Variants in HERC1 observed in about 807,000 individuals in gnomAD.
The protein encoded by HERC1 is HECT and RLD domain containing E3 ubiquitin protein ligase family member 1.
In HERC1, 160 loss-of-function variants were observed where a neutral mutation model predicts 554.3. That is an observed-to-expected ratio of 0.29 (90% confidence interval 0.25 to 0.33). The LOEUF is 0.33. Ranked by LOEUF, HERC1 falls within the 10% of genes least tolerant of loss-of-function variation. The pLI, the probability that HERC1 is intolerant of heterozygous loss-of-function variation, is 1.00. For synonymous variants in HERC1, 2,175 were observed against 2,131.7 expected (o/e 1.02, Z -0.56); for missense variants, 4,919 against 5,918.5 (o/e 0.83, Z 5.54).
intron 26 of HERC1, among the ~76,000 whole-genome samples, chr15:63,697,512 T>A (rs994025852): frequency 6.8e-6 from 1 of 147,756 alleles, no homozygotes; most frequent in Non-Finnish European, 1.5e-5. Flanking sequence ...TGGAGTGCAA[T>A]GGCGCGATCT....
chr15:63,729,290 C>T lies in HERC1; in HGVS notation c.3100G>A (p.Ala1034Thr). The T allele has an allele frequency of 6.2e-7, 1 of 1,611,106 alleles. No individual in the cohort carries two copies. Among genetic ancestry groups the T allele is most frequent in the East Asian group, 2.2e-5 (1 of 44,828 alleles). The change falls in exon 16 of 78, where the codon GCA (alanine) becomes ACA (threonine). Residue 1034 changes from alanine to threonine, a missense_variant. Physicochemically the swap from Ala to Thr is moderately conservative, Grantham distance 58 (BLOSUM62 0). Transcript: ENST00000443617. The part of the protein sequence containing the change: ...PHATDIYSRS[A>T]NLLKESPWNG... ...CAAGGACTTTCTTTGAGCAAATTTG[C>T]AGAACGTGAATAAATATCTGTGGCA... is the stretch of plus-strand genomic sequence containing the variant.
At chr15:63,822,267 G>C (rs967864497) in intron 1 of HERC1, among the ~76,000 whole-genome samples, 2 of 152,188 alleles carry the variant, frequency 1.3e-5, no homozygotes, top group African/African-American at 4.8e-5. Context: ...GAATTTGGCT[G>C]TTCTTTTAAT....
chr15:63,771,507 T>A (rs1375702608), intron 2 of HERC1, among the ~76,000 whole-genome samples: 1 of 151,602 alleles, frequency 6.6e-6, no homozygotes, highest in Non-Finnish European at 1.5e-5. Flanking sequence ...CTCAGCTCAC[T>A]GCAACCTCCA....
At chr15:63,657,831 T>C (rs550619712) in intron 48 of HERC1, among the ~76,000 whole-genome samples, 2 of 150,848 alleles carry the variant, frequency 1.3e-5, no homozygotes, top group South Asian at 4.4e-4. Context: ...GGACCAAGGC[T>C]TTTTTTTTCT....
chr15:63,630,001 C>G (rs2068475838), intron 69 of HERC1, among the ~76,000 whole-genome samples: 1 of 152,040 alleles, frequency 6.6e-6, no homozygotes, highest in Non-Finnish European at 1.5e-5. Flanking sequence ...GACAAGACTT[C>G]CTGCAAAAAC....
intron 24 of HERC1, among the ~76,000 whole-genome samples, chr15:63,709,166 T>TA (rs1384907662): frequency 1.3e-3 from 199 of 147,754 alleles, no homozygotes; most frequent in African/African-American, 4.9e-3. Context: ...TATATATATA[T>TA]TTTTTATTTT....
At chr15:63,768,449 A>T (rs2075850373) in intron 2 of HERC1, among the ~76,000 whole-genome samples, 1 of 152,248 alleles carries the variant, frequency 6.6e-6, no homozygotes, top group South Asian at 2.1e-4. Context: ...GTTTAAAAGT[A>T]ACTAGTCCCT....
intron 12 of HERC1, among the ~76,000 whole-genome samples, chr15:63,744,945 A>G (rs2075001453): frequency 6.6e-6 from 1 of 152,192 alleles, no homozygotes; most frequent in Admixed American, 6.5e-5. Context: ...TTCACAGCCC[A>G]TGGGCTCTTC....
At chr15:63,626,535 C>T (rs1225959113) in intron 70 of HERC1, among the ~76,000 whole-genome samples, 1 of 152,098 alleles carries the variant, frequency 6.6e-6, no homozygotes, top group Admixed American at 6.5e-5. Flanking sequence ...TGGGCAAGGA[C>T]TAAGTAGGCA....
At chr15:63,615,473 G>T (rs2067775553) in intron 76 of HERC1, among the ~76,000 whole-genome samples, 1 of 152,188 alleles carries the variant, frequency 6.6e-6, no homozygotes, top group Non-Finnish European at 1.5e-5. Context: ...AGCTAGGCGT[G>T]GTGACACATG....
At position 63,787,154 on chromosome 15, in the gene HERC1, T is replaced by G. The variant is rs141681855; in HGVS notation, c.-26-11505A>C. On this transcript the variant is annotated intron_variant, in intron 1 of 77. Transcript: ENST00000443617. Reference sequence around the variant, plus strand: ...ACCATCCCCAGTCTCAATAAATTATTATTATCATATTATTATTTTTGAGAT... The same window carrying G: ...ACCATCCCCAGTCTCAATAAATTATGATTATCATATTATTATTTTTGAGAT... Among the ~76,000 whole-genome samples the G allele has an allele frequency of 7.5e-3, 1,119 of 148,812 alleles. 15 individuals carry two copies. Among genetic ancestry groups the G allele is most frequent in the African/African-American group, 0.027 (1,077 of 40,228 alleles).
intron 1 of HERC1, among the ~76,000 whole-genome samples, chr15:63,792,398 G>A (rs2076678688): frequency 6.6e-6 from 1 of 152,102 alleles, no homozygotes; most frequent in African/African-American, 2.4e-5. Flanking sequence ...AATACAAAAA[G>A]AATATAAATA....
chr15:63,626,147 T>G lies in HERC1; in HGVS notation c.13113A>C (p.Ser4371=). The change falls in exon 71 of 78, where the codon TCA becomes TCC. Residue 4371 remains serine (S), a synonymous_variant. Transcript: ENST00000443617. ...PPVPPRAPGV[S]VPLQLGLPDT... is the part of the protein sequence containing the mutation. ...CAGGCAGGCCCAGCTGCAGAGGTACTGACACACCTGTCCAGAAAGCAAATG... is the reference window on the plus strand; with the variant it reads ...CAGGCAGGCCCAGCTGCAGAGGTACGGACACACCTGTCCAGAAAGCAAATG... 6.2e-7 allele frequency: 1 copy of G among 1,612,218 alleles called. No individual in the cohort carries two copies. Among genetic ancestry groups the G allele is most frequent in the Middle Eastern group, 1.7e-4 (1 of 6,030 alleles).
intron 67 of HERC1, among the ~76,000 whole-genome samples, chr15:63,633,092 A>G (rs780609566): frequency 2.6e-5 from 4 of 152,244 alleles, no homozygotes; most frequent in Non-Finnish European, 5.9e-5. Flanking sequence ...ACCAGGGAGA[A>G]TTCCAGGACC....
chr15:63,625,825 C>T, intron 71 of HERC1, 160 bp downstream of exon 71: 2 of 777,322 alleles, frequency 2.6e-6, no homozygotes, highest in Admixed American at 4.1e-5. Flanking sequence ...TCTAGACTGT[C>T]CCTAACACAG....
Position 63,633,979 on chromosome 15 carries a change from A to G in HERC1, c.12571-9T>C, listed in dbSNP as rs1021499713. ...TTTAATCCACAGGCCACCTAAAGAA[A>G]TAACAGCATTCCGTAAGGCAAATCA... On this transcript the variant is annotated splice_polypyrimidine_tract_variant and intron_variant, in intron 66 of 77. Transcript: ENST00000443617. 1 of 1,613,728 alleles carries G rather than the reference A, an allele frequency of 6.2e-7. No homozygotes were observed. The highest frequency in any genetic ancestry group is 8.5e-7 in the Non-Finnish European group (1 of 1,179,796).
intron 13 of HERC1, 82 bp from the exon 14 acceptor site, chr15:63,733,227 T>C (rs1160586425): frequency 1.3e-5 from 11 of 875,248 alleles, no homozygotes; most frequent in Non-Finnish European, 2.1e-5. Flanking sequence ...AAAAAAACTA[T>C]ACTAATCCAC....
chr15:63,775,659 G>C lies in HERC1; in HGVS notation c.-26-10C>G, dbSNP rs771532519. On this transcript the variant is annotated splice_polypyrimidine_tract_variant and intron_variant, in intron 1 of 77. Coordinates refer to ENST00000443617, the MANE Select transcript of HERC1 (RefSeq NM_003922.4). This position sits in a 1 kb window ranked among gnomAD's most constrained non-coding sequence, Gnocchi z 4.0. ...CCTTCAGCCATTAGTCCTGCAAAGG[G>C]AGAAGAGAAAACAGTCAAAAACATA... is the stretch of plus-strand genomic sequence containing the variant. 7 of 1,493,672 alleles carry C rather than the reference G, an allele frequency of 4.7e-6. No homozygotes were observed. The Admixed American group carries it at 8.6e-5, about 18-fold the overall frequency. The allele number at this position is 1,493,672 out of a possible 1,614,324, so 92.5% of individuals were successfully genotyped here.
At chr15:63,659,672 CCTAT>C (rs1448195347) in intron 47 of HERC1, 60 bp downstream of exon 47, 15 of 1,091,600 alleles carry the variant, frequency 1.4e-5, no homozygotes, top group African/African-American at 3.1e-5. Context: ...TTATTATTTA[CCTAT>C]CTAAGAAACA....
Sources: allele counts gnomAD v4.1 joint callset (sites outside exome capture counted in the v4.1 genomes callset), GRCh38; gene constraint gnomAD v4.1.1; non-coding constraint Gnocchi (gnomAD v3.1); transcripts MANE v1.5; gene names NCBI Gene and HGNC (gene_info 2026-07-23, HGNC 2026-07-21).